Variants in SEM1 observed in about 807,000 individuals in gnomAD.
SEM1 encodes 26S proteasome complex subunit SEM1.
In SEM1, 3 loss-of-function variants were observed where a neutral mutation model predicts 12.7. The observed-to-expected ratio is 0.24, with a 90% confidence interval of 0.11 to 0.61. The LOEUF is 0.61. SEM1 is among the 20% of genes least tolerant of loss of function. The probability of loss-of-function intolerance (pLI) is 0.88; values close to 1 mark genes in which losing one functional copy is unlikely to be tolerated. For missense variants in SEM1, 59 were observed against 81.3 expected (o/e 0.73, Z 1.06); for synonymous variants, 30 against 27.8 (o/e 1.08, Z -0.25).
chr7:96,673,585 A>C (rs1416303761), exon 3 of SEM1: 1 of 613,394 alleles, frequency 1.6e-6, no homozygotes, highest in Non-Finnish European at 2.9e-6. Flanking sequence ...CCCAGGCTGG[A>C]CCTTCACCCA....
intron 2 of SEM1, among the ~76,000 whole-genome samples, chr7:96,656,852 A>AAT (rs57916069): frequency 4.3e-4 from 62 of 144,706 alleles, no homozygotes; most frequent in African/African-American, 1.2e-3. Flanking sequence ...TATAATGTTA[A>AAT]ATATATATAT....
At chr7:96,560,596 T>A (rs891775772) in intron 2 of SEM1, among the ~76,000 whole-genome samples, 1 of 152,074 alleles carries the variant, frequency 6.6e-6, no homozygotes, top group African/African-American at 2.4e-5. Context: ...ACTTTTAATA[T>A]TTTTGTCATA....
chr7:96,673,868 C>T (rs1464611923), intron 2 of SEM1: 1 of 764,868 alleles, frequency 1.3e-6, no homozygotes, highest in Non-Finnish European at 2.4e-6. Flanking sequence ...CCCTGGAAAA[C>T]AGACTTTGTG....
chr7:96,661,754 G>C (rs188253222), intron 2 of SEM1, among the ~76,000 whole-genome samples: 1 of 152,116 alleles, frequency 6.6e-6, no homozygotes, highest in Non-Finnish European at 1.5e-5. Flanking sequence ...TTGGGAGGCC[G>C]AGGCGGGCAG....
intron 2 of SEM1, among the ~76,000 whole-genome samples, chr7:96,590,305 C>A (rs2177674): frequency 0.94 from 143,426 of 152,224 alleles, 68,126 homozygotes; most frequent in East Asian, 1. Flanking sequence ...ACACACTTAT[C>A]CTAACAAATA....
intron 2 of SEM1, among the ~76,000 whole-genome samples, chr7:96,515,006 A>T (rs1804044903): frequency 6.6e-6 from 1 of 152,142 alleles, no homozygotes. Flanking sequence ...TATAAAGCTG[A>T]AGTAATCAAG....
chr7:96,489,115 G>A (rs1209218359), intron 1 of SEM1, among the ~76,000 whole-genome samples: 2 of 152,082 alleles, frequency 1.3e-5, no homozygotes, highest in Non-Finnish European at 2.9e-5. Flanking sequence ...ATACCTCTAA[G>A]CAACACCAAG....
chr7:96,607,784 T>C (rs1807427169), intron 2 of SEM1, among the ~76,000 whole-genome samples: 2 of 152,126 alleles, frequency 1.3e-5, no homozygotes, highest in African/African-American at 2.4e-5. Flanking sequence ...TCCTTTCCAA[T>C]GGGATTTTTA....
intron 3 of SEM1, among the ~76,000 whole-genome samples, chr7:96,484,572 T>A (rs959995660): frequency 5.9e-5 from 9 of 152,196 alleles, no homozygotes; most frequent in African/African-American, 1.9e-4. Flanking sequence ...CCTTGTTGAT[T>A]CAGACTCCAC....
At chr7:96,519,960 GA>G (rs1457575629) in intron 2 of SEM1, among the ~76,000 whole-genome samples, 3 of 152,090 alleles carry the variant, frequency 2.0e-5, no homozygotes, top group African/African-American at 4.8e-5. Flanking sequence ...TTCTTAATTA[GA>G]AATTCGGCTC....
At chr7:96,678,807 A>G (rs568328457) in intron 2 of SEM1, among the ~76,000 whole-genome samples, 2 of 152,158 alleles carry the variant, frequency 1.3e-5, no homozygotes, top group Non-Finnish European at 2.9e-5. Flanking sequence ...TGGAAAAATA[A>G]AAGTATATAT....
At chr7:96,562,842 A>G (rs1299759633) in intron 2 of SEM1, among the ~76,000 whole-genome samples, 1 of 152,164 alleles carries the variant, frequency 6.6e-6, no homozygotes, top group Admixed American at 6.5e-5. Context: ...TGTTTTATTT[A>G]CCATAGATGT....
chr7:96,603,579 G>T (rs2116201240), intron 2 of SEM1, among the ~76,000 whole-genome samples: 1 of 152,262 alleles, frequency 6.6e-6, no homozygotes, highest in South Asian at 2.1e-4. Flanking sequence ...CATAAAAAAG[G>T]TAGTTTTTTT....
At chr7:96,564,793 C>T (rs1311995123) in intron 2 of SEM1, among the ~76,000 whole-genome samples, 6 of 151,876 alleles carry the variant, frequency 4.0e-5, no homozygotes, top group African/African-American at 1.4e-4. Flanking sequence ...AGTACTTAGG[C>T]GCTTATATAT....
intron 2 of SEM1, among the ~76,000 whole-genome samples, chr7:96,523,747 C>T (rs1309250450): frequency 6.6e-6 from 1 of 152,122 alleles, no homozygotes; most frequent in Non-Finnish European, 1.5e-5. Flanking sequence ...TTCAAATATG[C>T]TGGCTCCTTC....
At chr7:96,575,319 C>T (rs1806169535) in intron 2 of SEM1, among the ~76,000 whole-genome samples, 1 of 152,156 alleles carries the variant, frequency 6.6e-6, no homozygotes, top group Admixed American at 6.5e-5. Flanking sequence ...AAAGATTGCT[C>T]CCTGTTCCTT....
At chr7:96,598,675 G>T (rs376572869) in intron 2 of SEM1, among the ~76,000 whole-genome samples, 2 of 152,214 alleles carry the variant, frequency 1.3e-5, no homozygotes, top group East Asian at 3.9e-4. Flanking sequence ...AGGAAAATGG[G>T]CTTTCAAGTT....
intron 2 of SEM1, among the ~76,000 whole-genome samples, chr7:96,633,601 C>T (rs1235859047): frequency 1.3e-5 from 2 of 151,968 alleles, no homozygotes; most frequent in Non-Finnish European, 2.9e-5. Flanking sequence ...TATTATGCAA[C>T]CAGAAACACT....
chr7:96,677,974 T>C (rs1311673801), intron 2 of SEM1, among the ~76,000 whole-genome samples: 1 of 152,180 alleles, frequency 6.6e-6, no homozygotes, highest in African/African-American at 2.4e-5. Flanking sequence ...CACATACGTT[T>C]TTCATATGTG....
Sources: allele counts gnomAD v4.1 joint callset (sites outside exome capture counted in the v4.1 genomes callset), GRCh38; gene constraint gnomAD v4.1.1; transcripts MANE v1.5; gene names NCBI Gene and HGNC (gene_info 2026-07-23, HGNC 2026-07-21).